The following ADGRG6 variants were observed in gnomAD, a reference collection of about 807,000 sequenced individuals.
ADGRG6 encodes the protein G-protein coupled receptor 126.
In ADGRG6, 84 loss-of-function variants were observed where a neutral mutation model predicts 142.4. The observed-to-expected ratio is 0.59, with a 90% CI of 0.49 to 0.71. The LOEUF (loss-of-function observed/expected upper bound fraction) is 0.71. ADGRG6 is among the 30% of genes least tolerant of loss of function. ADGRG6 has a pLI of 0.00. For missense variants in ADGRG6, 1,367 were observed against 1,466.6 expected (o/e 0.93, Z 1.11); for synonymous variants, 521 against 520.5 (o/e 1.00, Z -0.01).
At chr6:142,319,230 G>A (rs1396729006) in intron 2 of ADGRG6, among the ~76,000 whole-genome samples, 2 of 152,044 alleles carry the variant, frequency 1.3e-5, no homozygotes, top group South Asian at 2.1e-4. Context: ...TTGCTCAAAC[G>A]CATATTTAGT....
intron 2 of ADGRG6, among the ~76,000 whole-genome samples, chr6:142,357,415 TA>T (rs200517934): frequency 0.014 from 2,129 of 152,252 alleles, 50 homozygotes; most frequent in African/African-American, 0.048. Flanking sequence ...AAATTTTTCT[TA>T]AAAAAACATT....
chr6:142,367,394 A>G (rs985094432), intron 2 of ADGRG6, among the ~76,000 whole-genome samples, 175 bp from the exon 3 acceptor site: 1 of 151,920 alleles, frequency 6.6e-6, no homozygotes, highest in Non-Finnish European at 1.5e-5. Flanking sequence ...TTGTTGCTCT[A>G]TTGATAATTC....
At chr6:142,371,052 T>C (rs1320886663) in intron 4 of ADGRG6, 1 of 403,794 alleles carries the variant, frequency 2.5e-6, no homozygotes. Context: ...GTTTTCCCTA[T>C]GTCATAAAAT....
chr6:142,443,178 A>G (rs1217412808), intron 24 of ADGRG6, among the ~76,000 whole-genome samples, 159 bp from the exon 25 acceptor site: 1 of 152,204 alleles, frequency 6.6e-6, no homozygotes, highest in Admixed American at 6.5e-5. Flanking sequence ...GAAGAAAAAC[A>G]TGGAAGTTTA....
chr6:142,354,172 C>A (rs1403368855), intron 2 of ADGRG6, among the ~76,000 whole-genome samples: 1 of 152,108 alleles, frequency 6.6e-6, no homozygotes, highest in Non-Finnish European at 1.5e-5. Flanking sequence ...TTGCTCTTCT[C>A]ATTTTCTCCT....
intron 2 of ADGRG6, among the ~76,000 whole-genome samples, chr6:142,321,215 A>G (rs1778496768): frequency 6.6e-6 from 1 of 151,764 alleles, no homozygotes; most frequent in South Asian, 2.1e-4. Context: ...CAAGATAGCA[A>G]TCTGCATGCT....
At chr6:142,324,344 C>G (rs965632253) in intron 2 of ADGRG6, among the ~76,000 whole-genome samples, 1 of 151,898 alleles carries the variant, frequency 6.6e-6, no homozygotes, top group Non-Finnish European at 1.5e-5. Context: ...ATTGAAGTTC[C>G]CTCACTATGT....
In ADGRG6 at chr6:142,419,846, T is replaced by A. The variant is rs1380605822; in HGVS notation, c.3061T>A (p.Phe1021Ile). Residue 1021 changes from phenylalanine to isoleucine, a missense_variant, in exon 22 of 25, where the codon TTT (phenylalanine) becomes ATT (isoleucine). By Grantham distance (21) the Phe-to-Ile change is conservative. Coordinates refer to ENST00000367609, the MANE Select transcript of ADGRG6 (RefSeq NM_198569.3). ...EFCWIQDPVI[F>I]YVTCAGYFGV... ...CTGTTGGATTCAAGATCCAGTCATA[T>A]TTTATGTGACCTGTGCTGGGTATTT... 6.2e-7 allele frequency: 1 copy of A among 1,610,822 alleles called. No homozygotes were observed. The highest frequency in any genetic ancestry group is 8.5e-7 in the Non-Finnish European group (1 of 1,178,184).
At chr6:142,411,759 A>G (rs561475384) in intron 18 of ADGRG6, among the ~76,000 whole-genome samples, 1 of 152,234 alleles carries the variant, frequency 6.6e-6, no homozygotes, top group East Asian at 1.9e-4. Flanking sequence ...AGAGAAAGTT[A>G]AAGAAGAAAA....
chr6:142,396,311 A>G (rs953904056), intron 9 of ADGRG6, among the ~76,000 whole-genome samples: 1 of 152,120 alleles, frequency 6.6e-6, no homozygotes, highest in Non-Finnish European at 1.5e-5. Flanking sequence ...CATTATATTC[A>G]TTATGTTTGC....
chr6:142,370,629 C>T lies in ADGRG6; in HGVS notation c.905C>T (p.Ser302Phe), dbSNP rs755300707. Residue 302 changes from serine (S) to phenylalanine (F), a missense_variant, in exon 4 of 25, where the codon TCT (serine) becomes TTT (phenylalanine). Physicochemically the swap from Ser to Phe is radical, Grantham distance 155. Coordinates refer to ENST00000367609, the MANE Select transcript of ADGRG6 (RefSeq NM_198569.3). The part of the protein sequence containing the change: ...LLGSNQNEIV[S>F]LKGDIYNFRL... ...GGCTCCAATCAAAATGAAATTGTCTCTCTAAAAGGGGACATTTATAACTTT... is the reference window on the plus strand; with the variant it reads ...GGCTCCAATCAAAATGAAATTGTCTTTCTAAAAGGGGACATTTATAACTTT... 1 of 1,613,672 alleles carries T rather than the reference C, an allele frequency of 6.2e-7. No homozygotes were observed. Among genetic ancestry groups the T allele is most frequent in the Non-Finnish European group, 8.5e-7 (1 of 1,179,686 alleles).
chr6:142,403,944 C>A lies in ADGRG6; in HGVS notation c.2098C>A (p.Leu700Ile). Residue 700 changes from leucine (L) to isoleucine (I), a missense_variant, in exon 14 of 25, where the codon CTT becomes ATT. Coordinates refer to ENST00000367609, the MANE Select transcript of ADGRG6 (RefSeq NM_198569.3). Reference sequence around the variant, plus strand: ...TGCAATTTCAAATTTTAGCATTGGTCTTCCAAGCAATAATGAATCGTATTT... The same window carrying A: ...TGCAATTTCAAATTTTAGCATTGGTATTCCAAGCAATAATGAATCGTATTT... ...TNAISNFSIGLPSNNESYFQM... is the reference protein window; with the variant it reads ...TNAISNFSIGIPSNNESYFQM... 10 of 1,610,190 alleles carry A rather than the reference C, an allele frequency of 6.2e-6. No homozygotes were observed. The highest frequency in any genetic ancestry group is 7.6e-6 in the Non-Finnish European group (9 of 1,177,192).
chr6:142,406,397 T>G (rs983250627), intron 15 of ADGRG6, among the ~76,000 whole-genome samples: 1 of 152,232 alleles, frequency 6.6e-6, no homozygotes, highest in Non-Finnish European at 1.5e-5. Flanking sequence ...CAAACACTGG[T>G]GACCTCTGTT....
At chr6:142,423,214 G>A (rs1171992350) in intron 22 of ADGRG6, among the ~76,000 whole-genome samples, 1 of 141,808 alleles carries the variant, frequency 7.1e-6, no homozygotes, top group East Asian at 2.2e-4. Context: ...CATTGCTTTT[G>A]GTGTTTTGGA....
chr6:142,302,783 A>G (rs868701761), intron 1 of ADGRG6: 35 of 171,266 alleles, frequency 2.0e-4, no homozygotes, highest in South Asian at 2.0e-4. Context: ...CATTGTCACC[A>G]TTGACTGTAG....
chr6:142,403,061 G>A (rs1234632148), intron 13 of ADGRG6, among the ~76,000 whole-genome samples: 3 of 151,484 alleles, frequency 2.0e-5, no homozygotes, highest in Admixed American at 2.0e-4. Flanking sequence ...GAAAGCATAA[G>A]CAGTCTTTCA....
At chr6:142,335,178 G>C (rs921959545) in intron 2 of ADGRG6, among the ~76,000 whole-genome samples, 1 of 152,192 alleles carries the variant, frequency 6.6e-6, no homozygotes, top group Non-Finnish European at 1.5e-5. Context: ...CAGAAATAGT[G>C]TTAAGTCATG....
chr6:142,331,118 G>A (rs1033553342), intron 2 of ADGRG6, among the ~76,000 whole-genome samples: 1 of 150,200 alleles, frequency 6.7e-6, no homozygotes, highest in Non-Finnish European at 1.5e-5. Flanking sequence ...ATGGAATACA[G>A]CAGGGTAGAA....
At chr6:142,346,824 A>G (rs1779923563) in intron 2 of ADGRG6, among the ~76,000 whole-genome samples, 1 of 140,024 alleles carries the variant, frequency 7.1e-6, no homozygotes, top group Non-Finnish European at 1.5e-5. Context: ...GACTTGAGCA[A>G]TGAGAACACA....
Sources: gnomAD v4.1 joint callset for allele counts (sites outside exome capture counted in the v4.1 genomes callset) on GRCh38, gnomAD v4.1.1 for gene constraint, MANE v1.5 for transcripts, NCBI Gene and HGNC (gene_info 2026-07-23, HGNC 2026-07-21) for gene names.